Variants in CAPS2 observed in about 807,000 individuals in gnomAD.
CAPS2 encodes calcyphosin-2.
Under a neutral mutation model 86.5 loss-of-function variants are expected in CAPS2, and 98 were observed. That is an observed-to-expected ratio of 1.13 (90% CI 0.96 to 1.34). The LOEUF is 1.34. Ranked by LOEUF, CAPS2 falls within the 40% of genes most tolerant of loss-of-function variation. The pLI is 0.00. For missense variants in CAPS2, 729 were observed against 686.8 expected, an observed-to-expected ratio of 1.06 and a Z score of -0.69; for synonymous variants, 210 against 225.1, an observed-to-expected ratio of 0.93 and a Z score of 0.60.
intron 1 of CAPS2, among the ~76,000 whole-genome samples, chr12:75,325,822 A>T (rs767844629): frequency 2.0e-5 from 3 of 152,100 alleles, no homozygotes; most frequent in Non-Finnish European, 2.9e-5. Flanking sequence ...GGGTAGGGCC[A>T]AGCTGTTACA....
intron 8 of CAPS2, among the ~76,000 whole-genome samples, chr12:75,301,425 G>T (rs1376083142): frequency 6.6e-6 from 1 of 152,208 alleles, no homozygotes; most frequent in Non-Finnish European, 1.5e-5. Flanking sequence ...TGGGATTAAT[G>T]TGTTTATTGA....
intron 1 of CAPS2, among the ~76,000 whole-genome samples, chr12:75,359,355 G>GTTTT (rs1463566931): frequency 2.8e-4 from 13 of 46,422 alleles, no homozygotes; most frequent in Non-Finnish European, 4.2e-4. Flanking sequence ...CAGCATTGTT[G>GTTTT]TCTTTTTTTT....
chr12:75,370,287 C>G (rs2139701783), intron 1 of CAPS2: 2 of 594,000 alleles, frequency 3.4e-6, no homozygotes, highest in Admixed American at 5.7e-5. Context: ...ACACTCTTGC[C>G]TGATACCTAA....
chr12:75,347,665 T>C (rs1241605702), intron 1 of CAPS2: 3 of 1,609,876 alleles, frequency 1.9e-6, no homozygotes, highest in East Asian at 2.2e-5. Flanking sequence ...GCAGTTGCAA[T>C]GTGTCCTAAC....
chr12:75,298,254 A>T (rs952264836), intron 11 of CAPS2: 25 of 161,242 alleles, frequency 1.6e-4, no homozygotes, highest in Non-Finnish European at 2.9e-4. Flanking sequence ...GAAAATCACA[A>T]GGAAGATAGG....
upstream of CAPS2, among the ~76,000 whole-genome samples, chr12:75,329,193 C>T (rs546403585): frequency 1.8e-4 from 28 of 152,264 alleles, no homozygotes; most frequent in African/African-American, 6.5e-4. Context: ...GCTGTAGGGA[C>T]TAAAAAATTA....
intron 11 of CAPS2, among the ~76,000 whole-genome samples, chr12:75,297,443 C>T (rs536309667): frequency 6.6e-6 from 1 of 152,302 alleles, no homozygotes; most frequent in East Asian, 1.9e-4. Flanking sequence ...TTTTATTCTT[C>T]TAATTAGCTT....
At chr12:75,277,999 A>G in exon 17 of CAPS2, 4 of 888,738 alleles carry the variant, frequency 4.5e-6, no homozygotes, top group Non-Finnish European at 5.4e-6. Context: ...GATACAAAAT[A>G]TGCTTTCACA....
chr12:75,313,868 C>T (rs534500751), intron 6 of CAPS2, among the ~76,000 whole-genome samples: 9 of 152,206 alleles, frequency 5.9e-5, no homozygotes, highest in Middle Eastern at 3.4e-3. Flanking sequence ...GTAAGAAAAT[C>T]GGAAAAGTTG....
At chr12:75,348,030 CT>C (rs2042569688) in intron 1 of CAPS2, among the ~76,000 whole-genome samples, 1 of 151,894 alleles carries the variant, frequency 6.6e-6, no homozygotes, top group African/African-American at 2.4e-5. Flanking sequence ...CACAAAAAGG[CT>C]GGCAGATGCT....
chr12:75,322,322 T>G (rs973454828), intron 4 of CAPS2, among the ~76,000 whole-genome samples: 7 of 152,088 alleles, frequency 4.6e-5, no homozygotes, highest in Non-Finnish European at 1.0e-4. Flanking sequence ...GGGCATATTG[T>G]ATTGACCTAG....
chr12:75,304,850 T>G, exon 8 of CAPS2: 1 of 1,612,090 alleles, frequency 6.2e-7, no homozygotes. Context: ...AATGGCTAAA[T>G]TTTGCTCTGG....
chr12:75,334,392 G>C (rs1321577607), upstream of CAPS2: 1 of 870,670 alleles, frequency 1.1e-6, no homozygotes, highest in Non-Finnish European at 1.4e-6. Context: ...TACCTAACTT[G>C]TGTGGCTTGC....
At chr12:75,290,736 C>G (rs1415167214) in intron 13 of CAPS2, among the ~76,000 whole-genome samples, 2 of 151,726 alleles carry the variant, frequency 1.3e-5, no homozygotes, top group African/African-American at 4.8e-5. Flanking sequence ...GAGAACATAG[C>G]AAGACCCTGT....
rs1262345194 is a variant in CAPS2 at position 75,285,087 on chromosome 12, ACAAT to A, written c.1396-11_1396-8del. 3 of 1,602,442 alleles carry A rather than the reference ACAAT, an allele frequency of 1.9e-6. No homozygotes were observed. Among genetic ancestry groups the A allele is most frequent in the Admixed American group, 1.7e-5 (1 of 57,226 alleles). ...GCCATGCAGACTCAAAATCCTAGAA[ACAAT>A]CAGAGATAACTGTTGCATTTTTAAG... On this transcript the variant is annotated splice_polypyrimidine_tract_variant and splice_region_variant and intron_variant, in intron 14 of 16. Transcript: ENST00000393284.
intron 1 of CAPS2, among the ~76,000 whole-genome samples, chr12:75,359,200 T>C (rs1421538686): frequency 6.6e-6 from 1 of 150,846 alleles, no homozygotes; most frequent in Non-Finnish European, 1.5e-5. Context: ...TCATTTATAA[T>C]AGCATCAAAA....
chr12:75,299,686 A>G, intron 9 of CAPS2, 151 bp downstream of exon 9: 1 of 417,884 alleles, frequency 2.4e-6, no homozygotes, highest in Non-Finnish European at 4.4e-6. Flanking sequence ...TAACAGATTA[A>G]TAGCTATTAT....
intron 1 of CAPS2, among the ~76,000 whole-genome samples, chr12:75,358,799 A>C (rs2043334760): frequency 6.9e-6 from 1 of 143,928 alleles, no homozygotes. Context: ...ACAATATATA[A>C]TATATTATAT....
chr12:75,368,687 T>A (rs74108753), intron 1 of CAPS2, among the ~76,000 whole-genome samples: 2,405 of 152,078 alleles, frequency 0.016, 51 homozygotes, highest in African/African-American at 0.055. Flanking sequence ...TGACTTCAAG[T>A]TTGTATTAGA....
Sources: allele counts gnomAD v4.1 joint callset (sites outside exome capture counted in the v4.1 genomes callset), GRCh38; gene constraint gnomAD v4.1.1; transcripts MANE v1.5; gene names NCBI Gene and HGNC (gene_info 2026-07-23, HGNC 2026-07-21).